The following RANBP17 variants were observed in gnomAD, a reference collection of about 807,000 sequenced individuals.
RANBP17 encodes RAN binding protein 17.
In RANBP17, 158 loss-of-function variants were observed where a neutral mutation model predicts 141.2. The ratio of observed to expected loss-of-function variants is 1.12; its 90% confidence interval spans 0.98 to 1.28. The LOEUF (loss-of-function observed/expected upper bound fraction) is 1.28, where lower values mean the gene tolerates loss of function less well. Among genes scored for constraint, RANBP17 ranks in the 50% most tolerant of loss-of-function variants. The pLI is 0.00. For synonymous variants in RANBP17, 430 were observed against 450.0 expected (o/e 0.96, Z 0.56); for missense variants, 1,438 against 1,290.7 (o/e 1.11, Z -1.75).
At chr5:170,884,198 T>G (rs1768957787) in intron 3 of RANBP17, among the ~76,000 whole-genome samples, 1 of 152,208 alleles carries the variant, frequency 6.6e-6, no homozygotes, top group Non-Finnish European at 1.5e-5. Flanking sequence ...GAACATATGA[T>G]ATACAGCACC....
intron 14 of RANBP17, among the ~76,000 whole-genome samples, chr5:170,992,864 G>A (rs1054740230): frequency 2.6e-5 from 4 of 151,980 alleles, no homozygotes; most frequent in African/African-American, 4.8e-5. Context: ...ACCTGGAAAC[G>A]TTAAAAATGC....
chr5:170,869,796 A>G (rs1394419497), intron 1 of RANBP17, among the ~76,000 whole-genome samples: 1 of 152,218 alleles, frequency 6.6e-6, no homozygotes, highest in Non-Finnish European at 1.5e-5. Context: ...AAATAAGGTC[A>G]CATTTATAGG....
At chr5:171,261,227 C>T (rs1387186985) in intron 24 of RANBP17, among the ~76,000 whole-genome samples, 2 of 151,932 alleles carry the variant, frequency 1.3e-5, no homozygotes, top group Admixed American at 6.6e-5. Context: ...ACAGTTTTTG[C>T]CCACTTAATC....
chr5:171,268,976 C>T (rs1283878741), intron 25 of RANBP17, among the ~76,000 whole-genome samples: 3 of 152,170 alleles, frequency 2.0e-5, no homozygotes, highest in Non-Finnish European at 4.4e-5. Context: ...GTTAATAATA[C>T]TTGTTAATCC....
chr5:171,009,174 T>C (rs1779860308), intron 14 of RANBP17, among the ~76,000 whole-genome samples: 1 of 152,196 alleles, frequency 6.6e-6, no homozygotes, highest in South Asian at 2.1e-4. Flanking sequence ...CTGAACTTGA[T>C]TTCAGTGCCA....
intron 14 of RANBP17, among the ~76,000 whole-genome samples, chr5:171,081,008 A>T (rs547740086): frequency 1.3e-5 from 2 of 152,306 alleles, no homozygotes; most frequent in Non-Finnish European, 2.9e-5. Context: ...TGACTGTGTG[A>T]TGTTTTAAGG....
chr5:171,150,087 T>C (rs1758363903), intron 14 of RANBP17, among the ~76,000 whole-genome samples: 1 of 152,208 alleles, frequency 6.6e-6, no homozygotes, highest in Admixed American at 6.5e-5. Context: ...AACCATCTGT[T>C]TTTATATTCT....
chr5:170,880,506 C>T (rs1204923887), intron 2 of RANBP17, among the ~76,000 whole-genome samples: 4 of 152,200 alleles, frequency 2.6e-5, no homozygotes, highest in African/African-American at 9.6e-5. Context: ...AAATGAGCCA[C>T]TTGGAAACTT....
At chr5:171,234,141 T>C (rs540429320) in intron 22 of RANBP17, among the ~76,000 whole-genome samples, 5 of 152,246 alleles carry the variant, frequency 3.3e-5, no homozygotes, top group African/African-American at 1.2e-4. Flanking sequence ...GTAGGTCTCA[T>C]TGAAAATATG....
At chr5:171,025,735 ATTGTTG>A (rs1163877075) in intron 14 of RANBP17, among the ~76,000 whole-genome samples, 74 of 151,522 alleles carry the variant, frequency 4.9e-4, no homozygotes, top group Non-Finnish European at 8.8e-5. Flanking sequence ...TGCCCAAGTA[ATTGTTG>A]TTGTTGTTGT....
At position 171,299,228 on chromosome 5, in the gene RANBP17, G is replaced by C. The variant is rs1022566440; in HGVS notation, c.*370G>C. 2.0e-5 allele frequency: 5 copies of C among 249,852 alleles called. No homozygotes were observed. Among genetic ancestry groups the C allele is most frequent in the Non-Finnish European group, 3.9e-5 (5 of 128,098 alleles). 15.5% of individuals were successfully genotyped at this position (249,852 alleles called of 1,614,324 possible). A position where few individuals can be genotyped will look rare whatever the true frequency, so the allele number is the denominator to read the frequency against. ...CAGTCAAGGTTGTCAATTTGTTGGA[G>C]ATGCAGCCTTCACCATGGATCCTGG... On this transcript the variant is annotated 3_prime_UTR_variant, in exon 28 of 28. Transcript: ENST00000523189.
chr5:171,282,182 A>G (rs990074203), intron 25 of RANBP17, among the ~76,000 whole-genome samples: 3 of 152,254 alleles, frequency 2.0e-5, no homozygotes, highest in African/African-American at 7.2e-5. Context: ...ACGATGGACT[A>G]TTGGCATAAT....
At position 171,197,994 on chromosome 5, in the gene RANBP17, G is replaced by A. The variant is rs184047844; in HGVS notation, c.2039-1676G>A. ...GCAGAGCTTGCAGTGAGCCAAGATC[G>A]TGCCACTGCACTCCAGCCTGGATGA... is the stretch of plus-strand genomic sequence containing the variant. On this transcript the variant is annotated intron_variant, in intron 18 of 27. Coordinates refer to ENST00000523189, the MANE Select transcript of RANBP17 (RefSeq NM_022897.5). Among the ~76,000 whole-genome samples, 866 of 152,302 alleles carry A rather than the reference G, an allele frequency of 5.7e-3. 6 individuals carry two copies. Among genetic ancestry groups the A allele is most frequent in the Middle Eastern group, 0.017 (5 of 292 alleles).
At chr5:170,887,500 C>T (rs1158455730) in intron 3 of RANBP17, among the ~76,000 whole-genome samples, 1 of 152,076 alleles carries the variant, frequency 6.6e-6, no homozygotes, top group Non-Finnish European at 1.5e-5. Context: ...TTCCTTTTTT[C>T]CATGTGGATG....
chr5:171,251,848 A>G, intron 24 of RANBP17: 3 of 1,357,544 alleles, frequency 2.2e-6, no homozygotes, highest in Non-Finnish European at 2.1e-6. Flanking sequence ...ATTCGCTTCC[A>G]TCTGTACCAT....
chr5:170,941,011 T>C (rs1233294801), intron 12 of RANBP17, among the ~76,000 whole-genome samples: 1 of 151,834 alleles, frequency 6.6e-6, no homozygotes, highest in African/African-American at 2.4e-5. Flanking sequence ...TTAAAACATA[T>C]ACTTGTAAAT....
intron 1 of RANBP17, among the ~76,000 whole-genome samples, chr5:170,872,129 T>C (rs1170034473): frequency 6.6e-6 from 1 of 152,218 alleles, no homozygotes. Context: ...ATTTTAACAA[T>C]ATTGATTCTC....
intron 14 of RANBP17, among the ~76,000 whole-genome samples, chr5:171,128,204 G>T (rs953489310): frequency 7.2e-4 from 110 of 152,260 alleles, no homozygotes; most frequent in African/African-American, 2.6e-3. Flanking sequence ...GTACATTCAT[G>T]TTTACTGCGG....
chr5:170,942,444 A>G (rs1398784390), intron 12 of RANBP17, among the ~76,000 whole-genome samples: 1 of 152,202 alleles, frequency 6.6e-6, no homozygotes, highest in Non-Finnish European at 1.5e-5. Flanking sequence ...AACTATACCT[A>G]GTGAGTGTCA....
Sources: gnomAD v4.1 joint callset for allele counts (sites outside exome capture counted in the v4.1 genomes callset) on GRCh38, gnomAD v4.1.1 for gene constraint, MANE v1.5 for transcripts, NCBI Gene and HGNC (gene_info 2026-07-23, HGNC 2026-07-21) for gene names.